TKTL1: variants seen among roughly 807,000 people sequenced by gnomAD.
TKTL1 encodes transketolase like 1, also known as transketolase-like protein 1.
TKTL1 carries 1 observed loss-of-function variant against 39.3 expected under a neutral mutation model. The observed-to-expected ratio is 0.03, with a 90% CI of 0.01 to 0.12. The LOEUF (loss-of-function observed/expected upper bound fraction) is 0.12. Among genes scored for constraint, TKTL1 ranks in the 10% least tolerant of loss-of-function variants. The probability of loss-of-function intolerance (pLI) is 1.00; values close to 1 mark genes in which losing one functional copy is unlikely to be tolerated. For missense variants in TKTL1, 575 were observed against 509.6 expected, an observed-to-expected ratio of 1.13 and a Z score of -1.24; for synonymous variants, 262 against 193.8, an observed-to-expected ratio of 1.35 and a Z score of -2.92.
At chrX:154,302,411 C>G (rs782595220) in intron 1 of TKTL1, among the ~76,000 whole-genome samples, 2 of 111,413 alleles carry the variant, frequency 1.8e-5, no homozygotes, top group East Asian at 5.6e-4. Flanking sequence ...CTGGAGGCTA[C>G]AAATCCAAGA....
At position 154,329,524 on chromosome X, in the gene TKTL1, G is replaced by A. The variant is rs1557172725; in HGVS notation, c.1627G>A (p.Gly543Arg). 6 of 1,211,147 alleles carry A rather than the reference G, an allele frequency of 5.0e-6. No homozygotes were observed. Among genetic ancestry groups the A allele is most frequent in the Admixed American group, 2.2e-5 (1 of 46,022 alleles). Residue 543 changes from glycine (G) to arginine (R), a missense_variant, in exon 13 of 13, where the codon GGG (glycine) becomes AGG (arginine). Physicochemically the swap from Gly to Arg is moderately radical, Grantham distance 125. Transcript: ENST00000369915. ...CATCCTTGTTTCCCCAGGTGGCATC[G>A]GGGAAGCTGTCTGCGCAGCCGTCTC... ...VEDHYPQGGI[G>R]EAVCAAVSMD...
intron 1 of TKTL1, among the ~76,000 whole-genome samples, chrX:154,300,687 TTGTTTGTTTG>T (rs1327477409): frequency 1.9e-5 from 2 of 107,840 alleles, no homozygotes; most frequent in African/African-American, 7.2e-5. Context: ...CTTTAGGATT[TTGTTTGTTTG>T]TGTTTGTTTG....
rs781865919 is a variant in TKTL1 at position 154,329,558 on chromosome X, C to G, written c.1661C>G (p.Pro554Arg). Residue 554 changes from proline (P) to arginine (R), a missense_variant, in exon 13 of 13, where the codon CCT becomes CGT. Pro to Arg is a moderately radical substitution (Grantham distance 103). Transcript: ENST00000369915. ...GTCTGCGCAGCCGTCTCCATGGATCCTGACATTCAGGTTCATTCGCTGGCA... is the reference window on the plus strand; with the variant it reads ...GTCTGCGCAGCCGTCTCCATGGATCGTGACATTCAGGTTCATTCGCTGGCA... ...EAVCAAVSMDPDIQVHSLAVS... is the reference protein window; with the variant it reads ...EAVCAAVSMDRDIQVHSLAVS... The G allele has an allele frequency of 4.1e-6, 5 of 1,210,325 alleles. No homozygotes were observed. The South Asian group carries it at 8.8e-5, about 21-fold the overall frequency.
intron 6 of TKTL1, among the ~76,000 whole-genome samples, chrX:154,314,350 C>A (rs1357292030): frequency 1.8e-5 from 2 of 110,808 alleles, no homozygotes; most frequent in African/African-American, 6.6e-5. Context: ...AACATTAGCC[C>A]ATCTCAACTT....
chrX:154,316,773 T>G (rs1165100048), intron 7 of TKTL1, among the ~76,000 whole-genome samples: 2 of 105,233 alleles, frequency 1.9e-5, no homozygotes, highest in African/African-American at 6.9e-5. Context: ...TTTTGGGGGT[T>G]TTTTTTTTTT....
intron 7 of TKTL1, 45 bp from the exon 8 acceptor site, chrX:154,320,712 G>A: frequency 1.0e-5 from 12 of 1,186,712 alleles, no homozygotes; most frequent in Non-Finnish European, 1.4e-5. Flanking sequence ...GGGGCGGTGG[G>A]GGCAATGCCC....
chrX:154,299,783 T>C (rs2067258767), intron 1 of TKTL1, among the ~76,000 whole-genome samples: 1 of 112,101 alleles, frequency 8.9e-6, no homozygotes, highest in Admixed American at 9.5e-5. Flanking sequence ...TTGTTTTTTA[T>C]GGCTGAGCAG....
At chrX:154,323,090 C>T (rs2036751568) in intron 8 of TKTL1, 117 bp from the exon 9 acceptor site, 1 of 946,846 alleles carries the variant, frequency 1.1e-6, no homozygotes, top group Admixed American at 3.1e-5. Context: ...GGCTCTGCTA[C>T]AGCTCGGGAC....
intron 2 of TKTL1, among the ~76,000 whole-genome samples, chrX:154,307,672 A>G (rs2067325656): frequency 8.9e-6 from 1 of 112,594 alleles, no homozygotes; most frequent in African/African-American, 3.2e-5. Flanking sequence ...AGATGGGCCC[A>G]CTGGCCTCAC....
chrX:154,312,433 C>T lies in TKTL1; in HGVS notation c.671-147C>T, dbSNP rs997633249. ...TTGTCCAAGCTGTTCTCTCTGGCTG[C>T]AGCAGCGTCCCAGGCCCTCTGTGCC... On this transcript the variant is annotated intron_variant, in intron 5 of 12. Transcript: ENST00000369915. The T allele has an allele frequency of 9.5e-6, 5 of 525,415 alleles. No individual in the cohort carries two copies. The African/African-American group carries it at 1.2e-4, about 12-fold the overall frequency. The allele number at this position is 525,415 out of a possible 1,213,427, so 43.3% of individuals were successfully genotyped here.
At chrX:154,307,424 A>AC (rs1344973470) in intron 2 of TKTL1, among the ~76,000 whole-genome samples, 2 of 112,042 alleles carry the variant, frequency 1.8e-5, no homozygotes, top group African/African-American at 6.5e-5. Context: ...TTGCCTGGGA[A>AC]CGGGGTAAAC....
intron 1 of TKTL1, among the ~76,000 whole-genome samples, chrX:154,301,069 T>G (rs1388778676): frequency 1.8e-5 from 2 of 111,335 alleles, no homozygotes; most frequent in Non-Finnish European, 3.8e-5. Flanking sequence ...CCAATTTGGA[T>G]GCCCTTTATT....
intron 2 of TKTL1, among the ~76,000 whole-genome samples, chrX:154,308,440 C>T (rs1250041587): frequency 8.9e-6 from 1 of 111,825 alleles, no homozygotes; most frequent in African/African-American, 3.2e-5. Flanking sequence ...AACAGTTGAG[C>T]TCTACTTGGT....
At chrX:154,312,347 C>T (rs1212729484) in intron 5 of TKTL1, among the ~76,000 whole-genome samples, 1 of 111,808 alleles carries the variant, frequency 8.9e-6, no homozygotes. Flanking sequence ...CCACTGCACT[C>T]CAGCTTGGGG....
chrX:154,303,771 C>G (rs782199554), intron 1 of TKTL1, among the ~76,000 whole-genome samples: 2 of 108,999 alleles, frequency 1.8e-5, no homozygotes, highest in East Asian at 2.9e-4. Context: ...GCAAAAGGCA[C>G]TGAAAATAAG....
intron 1 of TKTL1, among the ~76,000 whole-genome samples, chrX:154,296,215 G>A (rs1004768784): frequency 2.7e-4 from 30 of 111,216 alleles, no homozygotes; most frequent in South Asian, 1.5e-3. Context: ...TTGGTCAGCC[G>A]CGGGTTCTGG....
Position 154,311,129 on chromosome X carries a change from G to A in TKTL1, c.561G>A (p.Val187=). ...TTGGCAGGTGGAACACTTATGTGGT[G>A]GACGGCCGGGACGTGGAGGCACTGT... is the stretch of plus-strand genomic sequence containing the variant. ...CEAFGWNTYV[V]DGRDVEALCQ... Residue 187 remains valine (V), a synonymous_variant, in exon 5 of 13, where the codon GTG becomes GTA. Transcript: ENST00000369915. The A allele has an allele frequency of 8.3e-7, 1 of 1,211,733 alleles. No homozygotes were observed. The highest frequency in any genetic ancestry group is 1.1e-6 in the Non-Finnish European group (1 of 895,501).
intron 2 of TKTL1, among the ~76,000 whole-genome samples, chrX:154,307,498 G>A (rs1040070675): frequency 7.1e-5 from 8 of 112,762 alleles, no homozygotes; most frequent in African/African-American, 1.3e-4. Flanking sequence ...CGTCTGCCCC[G>A]CAGCATAAGG....
chrX:154,303,095 A>G (rs1315989250), intron 1 of TKTL1, among the ~76,000 whole-genome samples: 2 of 110,084 alleles, frequency 1.8e-5, no homozygotes, highest in Non-Finnish European at 3.8e-5. Context: ...ACAAAATAAC[A>G]CCCTGACTCG....
Sources: allele counts gnomAD v4.1 joint callset (sites outside exome capture counted in the v4.1 genomes callset), GRCh38; gene constraint gnomAD v4.1.1; transcripts MANE v1.5; gene names NCBI Gene and HGNC (gene_info 2026-07-23, HGNC 2026-07-21).